PON1: variants seen among roughly 807,000 people sequenced by gnomAD.
PON1 encodes the protein paraoxonase 1.
In PON1, 37 loss-of-function variants were observed where a neutral mutation model predicts 39.2. That is an observed-to-expected ratio of 0.94 (90% confidence interval 0.73 to 1.24). The LOEUF (loss-of-function observed/expected upper bound fraction) is 1.24, where lower values mean the gene tolerates loss of function less well. PON1 is among the 50% of genes most tolerant of loss of function. The pLI is 0.00. For missense variants in PON1, 397 were observed against 413.5 expected (o/e 0.96, Z 0.35); for synonymous variants, 148 against 152.2 (o/e 0.97, Z 0.21).
At chr7:95,305,399 C>T (rs1205952017) in intron 7 of PON1, among the ~76,000 whole-genome samples, 1 of 152,136 alleles carries the variant, frequency 6.6e-6, no homozygotes, top group African/African-American at 2.4e-5. Context: ...CTGAAGCATG[C>T]CCAGCCCCAC....
In PON1 at chr7:95,315,363, G is replaced by A; in HGVS notation, c.329C>T (p.Ser110Phe). 2 of 1,613,534 alleles carry A rather than the reference G, an allele frequency of 1.2e-6. No homozygotes were observed. Among genetic ancestry groups the A allele is most frequent in the Non-Finnish European group, 1.7e-6 (2 of 1,179,510 alleles). The stretch of plus-strand genomic sequence containing the variant: ...GCTAATCCCATGAGGGTTAAATGAA[G>A]ATACATCAAATTTACTTCCAGTGAT... ...LGITGSKFDV[S>F]SFNPHGISTF... The change falls in exon 4 of 9, where the codon TCT becomes TTT. Residue 110 changes from serine to phenylalanine, a missense_variant. Physicochemically the swap from Ser to Phe is radical, Grantham distance 155. Transcript: ENST00000222381.
At chr7:95,315,803 A>T (rs564313805) in intron 3 of PON1, among the ~76,000 whole-genome samples, 2 of 152,322 alleles carry the variant, frequency 1.3e-5, no homozygotes, top group East Asian at 3.9e-4. Flanking sequence ...GGCAATTAAT[A>T]ATAGTCTTCA....
intron 3 of PON1, 71 bp downstream of exon 3, chr7:95,316,663 T>G (rs1419754602): frequency 9.1e-6 from 12 of 1,317,268 alleles, no homozygotes; most frequent in Non-Finnish European, 1.3e-5. Flanking sequence ...ACAGAAAGCC[T>G]AAGTGAAAGA....
chr7:95,324,324 CCAA>C (rs1164976929), intron 1 of PON1, 75 bp downstream of exon 1: 3 of 1,394,372 alleles, frequency 2.2e-6, no homozygotes, highest in Non-Finnish European at 3.1e-6. Context: ...CAGCCTGGAC[CCAA>C]CTTTCTGGGG....
chr7:95,302,479 G>A, intron 7 of PON1, 146 bp from the exon 8 acceptor site: 1 of 700,552 alleles, frequency 1.4e-6, no homozygotes, highest in South Asian at 1.8e-5. Flanking sequence ...ATTTCAATAA[G>A]ACTCACAAAA....
rs376837560 is a variant in PON1, at chr7:95,306,278, G to T, written c.780+7C>A. The T allele has an allele frequency of 4.4e-6, 7 of 1,585,656 alleles. No individual in the cohort carries two copies. The highest frequency in any genetic ancestry group is 4.0e-5 in the African/African-American group (3 of 74,246). On this transcript the variant is annotated splice_region_variant and intron_variant, in intron 7 of 8. Coordinates refer to ENST00000222381, the MANE Select transcript of PON1 (RefSeq NM_000446.7). Reference sequence around the variant, plus strand: ...CTCTGCAGACTTACAGTGTTAATACGTCTTACCTTCAATGGAGTTAAAGTC... The same window carrying T: ...CTCTGCAGACTTACAGTGTTAATACTTCTTACCTTCAATGGAGTTAAAGTC...
intron 7 of PON1, 128 bp from the exon 8 acceptor site, chr7:95,302,461 T>C: frequency 3.9e-6 from 3 of 778,238 alleles, no homozygotes; most frequent in Non-Finnish European, 6.3e-6. Context: ...AGGATACAAT[T>C]CTGCCCCATT....
In PON1 at chr7:95,304,310, G is replaced by A. The variant is rs544264012; in HGVS notation, c.780+1975C>T. Reference sequence around the variant, plus strand: ...TCAAGGCTTATCCATGTTGTAGCAGGTATCAGAACTTCATTCCTTTTTTTT... The same window carrying A: ...TCAAGGCTTATCCATGTTGTAGCAGATATCAGAACTTCATTCCTTTTTTTT... On this transcript the variant is annotated intron_variant, in intron 7 of 8. Coordinates refer to ENST00000222381, the MANE Select transcript of PON1 (RefSeq NM_000446.7). 1.1e-4 allele frequency among the ~76,000 whole-genome samples: 16 copies of A among 148,102 alleles called. 1 individual carries two copies. In the East Asian group the frequency reaches 3.2e-3, roughly 29 times the overall value.
chr7:95,305,536 A>G (rs1049234360), intron 7 of PON1, among the ~76,000 whole-genome samples: 2 of 152,222 alleles, frequency 1.3e-5, no homozygotes, highest in Non-Finnish European at 2.9e-5. Context: ...AATAAAGGGT[A>G]TGAATAAAAT....
chr7:95,318,261 A>C lies in PON1; in HGVS notation c.145+62T>G, dbSNP rs1807815021. ...ACAGAATTGAACAGGCACATTAATC[A>C]CACAAAGAGCAAAAAAATACCGGAA... is the stretch of plus-strand genomic sequence containing the variant. On this transcript the variant is annotated intron_variant, in intron 2 of 8. Transcript: ENST00000222381. 3 of 1,398,146 alleles carry C rather than the reference A, an allele frequency of 2.1e-6. No homozygotes were observed. In the East Asian group the frequency reaches 6.9e-5, roughly 32 times the overall value. 86.6% of individuals were successfully genotyped at this position (1,398,146 alleles called of 1,614,324 possible).
chr7:95,301,937 A>AAT (rs955452924), intron 8 of PON1, among the ~76,000 whole-genome samples: 7 of 149,314 alleles, frequency 4.7e-5, no homozygotes, highest in African/African-American at 9.9e-5. Flanking sequence ...AAAAAAAAAA[A>AAT]ATACAAAAAA....
At position 95,324,455 on chromosome 7, in the gene PON1, G is replaced by A. The variant is rs1807969517; in HGVS notation, c.21C>T (p.Leu7=). The A allele has an allele frequency of 6.2e-7, 1 of 1,614,192 alleles. No individual in the cohort carries two copies. The highest frequency in any genetic ancestry group is 8.5e-7 in the Non-Finnish European group (1 of 1,180,034). The part of the protein sequence containing the change: MAKLIA[L]TLLGMGLALF... ...GTGCCAGTCCCATCCCCAAGAGGGT[G>A]AGCGCAATCAGCTTCGCCATGGTCG... The change falls in exon 1 of 9, where the codon CTC becomes CTT. Residue 7 remains leucine (L), a synonymous_variant. Coordinates refer to ENST00000222381, the MANE Select transcript of PON1 (RefSeq NM_000446.7).
rs763904513 is a variant in PON1, at chr7:95,302,179, T to TTATC, written c.909+22_909+25dup. 8 of 1,562,270 alleles carry TTATC rather than the reference T, an allele frequency of 5.1e-6. No homozygotes were observed. In the East Asian group the frequency reaches 2.0e-4, roughly 39 times the overall value. On this transcript the variant is annotated intron_variant, in intron 8 of 8. Transcript: ENST00000222381. ...AAACAGTAGCTGGGAATAAAGTCAC[T>TTATC]TATCTGGTTCATTTTTAAAACTTAC...
intron 6 of PON1, 34 bp from the exon 7 acceptor site, chr7:95,306,400 G>T: frequency 7.2e-7 from 1 of 1,383,900 alleles, no homozygotes; most frequent in Non-Finnish European, 1.0e-6. Flanking sequence ...CAAAGTACTA[G>T]AAGTAACACA....
intron 1 of PON1, chr7:95,318,605 A>G (rs1807826214): frequency 5.8e-6 from 3 of 521,668 alleles, no homozygotes; most frequent in South Asian, 2.0e-5. Context: ...AGAGGTGGAT[A>G]GGTACACATA....
At chr7:95,300,333 T>G (rs997905273) in intron 8 of PON1, among the ~76,000 whole-genome samples, 1 of 152,244 alleles carries the variant, frequency 6.6e-6, no homozygotes, top group African/African-American at 2.4e-5. Context: ...TATCTCTAAA[T>G]TCCCCTTCAG....
chr7:95,300,745 A>ATAAC (rs796419865), intron 8 of PON1, among the ~76,000 whole-genome samples: 47 of 152,352 alleles, frequency 3.1e-4, no homozygotes, highest in African/African-American at 1.1e-3. Flanking sequence ...ACCCAAGGTT[A>ATAAC]CTAAATGAGC....
Position 95,306,284 on chromosome 7 carries a change from C to T in PON1, c.780+1G>A. ...AGACTTACAGTGTTAATACGTCTTA[C>T]CTTCAATGGAGTTAAAGTCCAATTA... is the stretch of plus-strand genomic sequence containing the variant. On this transcript the variant is annotated splice_donor_variant, in intron 7 of 8. Transcript: ENST00000222381. LOFTEE classifies it high-confidence loss of function. 2 of 1,597,134 alleles carry T rather than the reference C, an allele frequency of 1.3e-6. No homozygotes were observed. The highest frequency in any genetic ancestry group is 1.7e-6 in the Non-Finnish European group (2 of 1,164,796).
chr7:95,308,668 T>C (rs1356397342), intron 5 of PON1, among the ~76,000 whole-genome samples: 2 of 152,184 alleles, frequency 1.3e-5, no homozygotes. Flanking sequence ...GCCTGGATAC[T>C]TGCATTTTAG....
Sources: allele counts gnomAD v4.1 joint callset (sites outside exome capture counted in the v4.1 genomes callset), GRCh38; gene constraint gnomAD v4.1.1; transcripts MANE v1.5; gene names NCBI Gene and HGNC (gene_info 2026-07-23, HGNC 2026-07-21).